Variants in SLC35F4 observed in about 807,000 individuals in gnomAD.
The protein encoded by SLC35F4 is solute carrier family 35 member F4.
A neutral mutation model predicts 44.2 loss-of-function variants in SLC35F4; 24 were observed. The observed-to-expected ratio is 0.54, with a 90% CI of 0.39 to 0.76. SLC35F4 has a LOEUF of 0.76. Ranked by LOEUF, SLC35F4 falls within the 30% of genes least tolerant of loss-of-function variation. SLC35F4 has a pLI of 0.00. For missense variants in SLC35F4, 562 were observed against 586.1 expected (o/e 0.96, Z 0.42); for synonymous variants, 238 against 223.6 (o/e 1.06, Z -0.57).
intron 1 of SLC35F4, among the ~76,000 whole-genome samples, chr14:57,723,366 A>G (rs1015936328): frequency 1.3e-5 from 2 of 152,176 alleles, no homozygotes; most frequent in African/African-American, 4.8e-5. Flanking sequence ...CAAAAACCAT[A>G]TTGTATCCCT....
intron 1 of SLC35F4, among the ~76,000 whole-genome samples, chr14:57,929,351 C>G (rs1423851337): frequency 6.6e-6 from 1 of 152,034 alleles, no homozygotes. Flanking sequence ...AATGTTTCTT[C>G]TAAACATTTT....
downstream of SLC35F4, among the ~76,000 whole-genome samples, chr14:57,972,974 A>G (rs1050665668): frequency 6.6e-6 from 1 of 152,230 alleles, no homozygotes; most frequent in African/African-American, 2.4e-5. Flanking sequence ...TGCTTTGCAT[A>G]TACCATGTCA....
chr14:57,731,230 A>G (rs1370108587), intron 1 of SLC35F4, among the ~76,000 whole-genome samples: 1 of 152,136 alleles, frequency 6.6e-6, no homozygotes, highest in Non-Finnish European at 1.5e-5. Flanking sequence ...CAGTGTCTCT[A>G]CTTCCCCAGA....
chr14:57,605,228 T>C (rs986511557), intron 1 of SLC35F4, among the ~76,000 whole-genome samples: 5 of 152,094 alleles, frequency 3.3e-5, no homozygotes, highest in African/African-American at 9.7e-5. Flanking sequence ...AGGTCTATTA[T>C]CCAGAATCTA....
At chr14:57,927,788 G>T (rs1400715530) in intron 1 of SLC35F4, among the ~76,000 whole-genome samples, 2 of 151,948 alleles carry the variant, frequency 1.3e-5, no homozygotes, top group Non-Finnish European at 2.9e-5. Context: ...ATCACGCCTG[G>T]CCCCTGTCTT....
chr14:57,944,745 AAGAAAG>A (rs1383082990), intron 1 of SLC35F4, among the ~76,000 whole-genome samples: 3 of 147,952 alleles, frequency 2.0e-5, no homozygotes, highest in Non-Finnish European at 3.0e-5. Flanking sequence ...GAAAGAAAGA[AAGAAAG>A]AAGAAAGGAA....
intron 1 of SLC35F4, among the ~76,000 whole-genome samples, chr14:57,725,934 G>A (rs1381988522): frequency 1.3e-5 from 2 of 152,132 alleles, no homozygotes; most frequent in East Asian, 3.8e-4. Context: ...AAGTTTTGCT[G>A]GCCTAGATGT....
chr14:57,803,855 G>A lies in SLC35F4; in HGVS notation c.103+61868C>T, dbSNP rs560818021. On this transcript the variant is annotated intron_variant, in intron 1 of 7. Transcript: ENST00000556826. ...TCCGCCCACTTCAGCCTCCCAAAGTGCTAGGATTACAGACGTGAGCCACCC... is the reference window on the plus strand; with the variant it reads ...TCCGCCCACTTCAGCCTCCCAAAGTACTAGGATTACAGACGTGAGCCACCC... Among the ~76,000 whole-genome samples, 8 of 152,080 alleles carry A rather than the reference G, an allele frequency of 5.3e-5. No individual in the cohort carries two copies. In the East Asian group the frequency reaches 1.6e-3, roughly 29 times the overall value.
intron 1 of SLC35F4, among the ~76,000 whole-genome samples, chr14:57,846,850 T>C (rs1307444118): frequency 6.6e-6 from 1 of 152,162 alleles, no homozygotes; most frequent in Non-Finnish European, 1.5e-5. Context: ...GGCCCCAGCC[T>C]AAACCCTCCT....
chr14:57,580,243 A>G (rs2069149883), intron 4 of SLC35F4, among the ~76,000 whole-genome samples: 1 of 152,202 alleles, frequency 6.6e-6, no homozygotes, highest in African/African-American at 2.4e-5. Context: ...AGGGTTAATG[A>G]CCATCATAAA....
At chr14:57,959,364 T>C (rs370148741) in intron 1 of SLC35F4, among the ~76,000 whole-genome samples, 1 of 152,078 alleles carries the variant, frequency 6.6e-6, no homozygotes, top group African/African-American at 2.4e-5. Flanking sequence ...AAAGCAAAAA[T>C]TATAAAGGCA....
intron 1 of SLC35F4, among the ~76,000 whole-genome samples, chr14:57,904,143 T>G (rs1889065037): frequency 6.6e-6 from 1 of 152,220 alleles, no homozygotes; most frequent in African/African-American, 2.4e-5. Context: ...ATAGATCCAT[T>G]AACAATTTAA....
intron 1 of SLC35F4, among the ~76,000 whole-genome samples, chr14:57,771,757 T>C (rs931462100): frequency 2.0e-5 from 3 of 152,124 alleles, no homozygotes; most frequent in Non-Finnish European, 4.4e-5. Flanking sequence ...CCACACTAAC[T>C]TAAACAAAAT....
chr14:57,885,847 A>C (rs1208753481), intron 1 of SLC35F4, among the ~76,000 whole-genome samples: 2 of 152,214 alleles, frequency 1.3e-5, no homozygotes, highest in African/African-American at 2.4e-5. Flanking sequence ...TCCCTGACCA[A>C]GTCAATGTTA....
upstream of SLC35F4, chr14:57,982,228 T>C (rs1157495933): frequency 1.3e-5 from 2 of 152,148 alleles, no homozygotes; most frequent in Admixed American, 6.5e-5. Flanking sequence ...GAATGCTGAG[T>C]TGTCGGAAGC....
At chr14:57,952,898 G>A (rs1038588795) in intron 1 of SLC35F4, among the ~76,000 whole-genome samples, 5 of 152,094 alleles carry the variant, frequency 3.3e-5, no homozygotes, top group South Asian at 2.1e-4. Flanking sequence ...CCCCAAGCTA[G>A]CAAGATAAGC....
chr14:57,580,467 T>A (rs546821113), intron 4 of SLC35F4: 185 of 313,966 alleles, frequency 5.9e-4, no homozygotes, highest in Non-Finnish European at 9.6e-4. Flanking sequence ...TGTCTCAATA[T>A]GTTCATCATA....
chr14:57,596,347 A>G (rs1314342122), intron 1 of SLC35F4: 1 of 177,098 alleles, frequency 5.6e-6, no homozygotes, highest in Non-Finnish European at 1.2e-5. Context: ...CTTATTTTAC[A>G]TATTCAGAAT....
chr14:57,662,638 C>T (rs2034843455), intron 1 of SLC35F4, among the ~76,000 whole-genome samples: 1 of 152,152 alleles, frequency 6.6e-6, no homozygotes, highest in Non-Finnish European at 1.5e-5. Flanking sequence ...TTCCCAGCCT[C>T]CAGAACCATG....
Sources: gnomAD v4.1 joint callset for allele counts (sites outside exome capture counted in the v4.1 genomes callset) on GRCh38, gnomAD v4.1.1 for gene constraint, MANE v1.5 for transcripts, NCBI Gene and HGNC (gene_info 2026-07-23, HGNC 2026-07-21) for gene names.